AP4E1: variants seen among roughly 807,000 people sequenced by gnomAD.
AP4E1 encodes AP-4 complex subunit epsilon-1.
In AP4E1, 56 loss-of-function variants were observed where a neutral mutation model predicts 128.2. The observed-to-expected ratio is 0.44, with a 90% confidence interval of 0.35 to 0.55. The LOEUF is 0.55. Ranked by LOEUF, AP4E1 falls within the 20% of genes least tolerant of loss-of-function variation. The pLI is 0.00. For synonymous variants in AP4E1, 484 were observed against 473.1 expected (o/e 1.02, Z -0.30); for missense variants, 1,324 against 1,307.7 (o/e 1.01, Z -0.19).
intron 14 of AP4E1, among the ~76,000 whole-genome samples, chr15:50,964,744 T>C (rs2064363673): frequency 6.6e-6 from 1 of 152,192 alleles, no homozygotes; most frequent in African/African-American, 2.4e-5. Flanking sequence ...GTAATCATAA[T>C]CAGTGATGTC....
At chr15:50,949,960 G>A in intron 12 of AP4E1, 22 bp downstream of exon 12, 2 of 1,599,272 alleles carry the variant, frequency 1.3e-6, no homozygotes, top group Non-Finnish European at 1.7e-6. Flanking sequence ...ATTATATTCT[G>A]TAAAGTAAAC....
chr15:50,955,653 C>T (rs140345836), intron 13 of AP4E1, among the ~76,000 whole-genome samples: 3 of 152,318 alleles, frequency 2.0e-5, no homozygotes, highest in East Asian at 1.9e-4. Flanking sequence ...TCCACTGACA[C>T]ACTCCCATCA....
In AP4E1 at chr15:50,968,291, G is replaced by C. The variant is rs748711527; in HGVS notation, c.1880G>C (p.Gly627Ala). The C allele has an allele frequency of 6.2e-7, 1 of 1,613,392 alleles. No individual in the cohort carries two copies. The highest frequency in any genetic ancestry group is 8.5e-7 in the Non-Finnish European group (1 of 1,179,730). The change falls in exon 15 of 21, where the codon GGT (glycine) becomes GCT (alanine). Residue 627 changes from glycine (G) to alanine (A), a missense_variant. Gly to Ala is a moderately conservative substitution (Grantham distance 60). Transcript: ENST00000261842. ...VVDASLSFLD[G>A]FVAEGLSQGA... ...GATGCTTCTTTATCTTTTCTGGATG[G>C]TTTTGTGGCTGAAGGACTCAGTCAG...
chr15:50,990,539 C>G lies in AP4E1; in HGVS notation c.2091-2831C>G, dbSNP rs559390465. Among the ~76,000 whole-genome samples, 4 of 151,854 alleles carry G rather than the reference C, an allele frequency of 2.6e-5. No homozygotes were observed. In the South Asian group the frequency reaches 6.2e-4, roughly 24 times the overall value. Reference sequence around the variant, plus strand: ...AAGCCGGGATTACAGACGCCTGCCACCATGCCCTGCTAATTTTTATGTTTT... The same window carrying G: ...AAGCCGGGATTACAGACGCCTGCCAGCATGCCCTGCTAATTTTTATGTTTT... On this transcript the variant is annotated intron_variant, in intron 16 of 20. Coordinates refer to ENST00000261842, the MANE Select transcript of AP4E1 (RefSeq NM_007347.5).
intron 1 of AP4E1, among the ~76,000 whole-genome samples, chr15:50,911,796 A>G (rs1285981829): frequency 6.6e-6 from 1 of 152,170 alleles, no homozygotes; most frequent in Non-Finnish European, 1.5e-5. Context: ...TAGTTTTAAA[A>G]AAAAACATTT....
chr15:50,988,499 A>G lies in AP4E1; in HGVS notation c.2090+4354A>G, dbSNP rs75771394. ...CCGGCTAATTTTTTGTATTTTTAGTAGAGATGGGTTTCACCATGTTGGCCA... is the reference window on the plus strand; with the variant it reads ...CCGGCTAATTTTTTGTATTTTTAGTGGAGATGGGTTTCACCATGTTGGCCA... On this transcript the variant is annotated intron_variant, in intron 16 of 20. Coordinates refer to ENST00000261842, the MANE Select transcript of AP4E1 (RefSeq NM_007347.5). 9.2e-5 allele frequency among the ~76,000 whole-genome samples: 14 copies of G among 152,094 alleles called. No individual in the cohort carries two copies. The East Asian group carries it at 2.7e-3, about 29-fold the overall frequency.
rs971219820 is a variant in AP4E1, at chr15:50,945,652, G to A, written c.1177-2368G>A. Reference sequence around the variant, plus strand: ...AAAGCGAATGCAACATGTTATCTGTGTAAAATGCACTTCTGACAGCAAGTA... The same window carrying A: ...AAAGCGAATGCAACATGTTATCTGTATAAAATGCACTTCTGACAGCAAGTA... On this transcript the variant is annotated intron_variant, in intron 10 of 20. Transcript: ENST00000261842. The A allele has an allele frequency of 5.1e-6, 4 of 778,728 alleles. No homozygotes were observed. In the African/African-American group the frequency reaches 6.8e-5, roughly 13 times the overall value. 48.2% of individuals were successfully genotyped at this position (778,728 alleles called of 1,614,324 possible).
chr15:50,923,280 T>G (rs2063728793), intron 3 of AP4E1, among the ~76,000 whole-genome samples: 1 of 152,244 alleles, frequency 6.6e-6, no homozygotes, highest in African/African-American at 2.4e-5. Flanking sequence ...TTAATATATT[T>G]CCTCAATGTT....
rs2065001342 is a variant in AP4E1, at chr15:51,004,750, CAAT to C, written c.*2093_*2095del. 1 of 152,450 alleles carries C rather than the reference CAAT, an allele frequency of 6.6e-6. No homozygotes were observed. The highest frequency in any genetic ancestry group is 2.1e-4 in the South Asian group (1 of 4,820). 9.4% of individuals were successfully genotyped at this position (152,450 alleles called of 1,614,324 possible). On this transcript the variant is annotated 3_prime_UTR_variant, in exon 21 of 21. Transcript: ENST00000261842. ...ATATTTTTATGATTTTAAAAACAAA[CAAT>C]AATAGAAAAACAGATTTTAAGGAAC...
intron 3 of AP4E1, among the ~76,000 whole-genome samples, chr15:50,921,878 T>C (rs1215226347): frequency 6.6e-6 from 1 of 152,054 alleles, no homozygotes; most frequent in East Asian, 1.9e-4. Flanking sequence ...GTTGAAACAG[T>C]TGGGATATTA....
chr15:50,985,743 G>C (rs996162607), intron 16 of AP4E1, among the ~76,000 whole-genome samples: 1 of 152,186 alleles, frequency 6.6e-6, no homozygotes, highest in South Asian at 2.1e-4. Context: ...GTCAGGTAGA[G>C]TGATGCCTCC....
chr15:50,912,057 T>G, intron 1 of AP4E1, 21 bp from the exon 2 acceptor site: 1 of 1,598,510 alleles, frequency 6.3e-7, no homozygotes, highest in Non-Finnish European at 8.6e-7. Flanking sequence ...ATCAAGCATT[T>G]AAATATTTTC....
intron 15 of AP4E1, among the ~76,000 whole-genome samples, chr15:50,977,525 A>T (rs1003624274): frequency 1.3e-5 from 2 of 152,130 alleles, no homozygotes; most frequent in African/African-American, 4.8e-5. Context: ...CTGTTATAGA[A>T]AAGGAAATTG....
chr15:50,915,707 C>T (rs1225131015), intron 3 of AP4E1, 136 bp downstream of exon 3: 1 of 1,113,490 alleles, frequency 9.0e-7, no homozygotes, highest in Non-Finnish European at 1.3e-6. Context: ...TAAAAGATCA[C>T]ACTTCAGAAA....
chr15:50,950,067 A>G lies in AP4E1; in HGVS notation c.1446A>G (p.Thr482=). The G allele has an allele frequency of 1.2e-6, 2 of 1,612,880 alleles. No individual in the cohort carries two copies. Among genetic ancestry groups the G allele is most frequent in the Non-Finnish European group, 1.7e-6 (2 of 1,179,102 alleles). Residue 482 remains threonine, a synonymous_variant, in exon 13 of 21, where the codon ACA becomes ACG. Transcript: ENST00000261842. ...TCTTTGTAGGTTTTGATGATGAAAC[A>G]GAAGATCAGCAATTAAGACTCTATG... ...RLLAEGFDDE[T]EDQQLRLYAV...
intron 13 of AP4E1, among the ~76,000 whole-genome samples, chr15:50,952,811 T>C (rs1380136287): frequency 6.6e-6 from 1 of 152,196 alleles, no homozygotes; most frequent in Non-Finnish European, 1.5e-5. Flanking sequence ...TTTGTTCAGG[T>C]TAAACATTTT....
Position 50,958,412 on chromosome 15 carries a change from A to G in AP4E1, c.1549-80A>G, listed in dbSNP as rs924140190. On this transcript the variant is annotated intron_variant, in intron 13 of 20. Transcript: ENST00000261842. ...TCTACTTTAAATTCACTCTAGCAGT[A>G]GGTACTTTGTTTAGATTTTAGTATA... is the stretch of plus-strand genomic sequence containing the variant. The G allele has an allele frequency of 9.0e-5, 105 of 1,165,200 alleles. 3 individuals carry two copies. The South Asian group carries it at 1.4e-3, about 16-fold the overall frequency. The allele number at this position is 1,165,200 out of a possible 1,614,324, so 72.2% of individuals were successfully genotyped here.
chr15:50,975,956 CAG>C (rs35121200), intron 15 of AP4E1, among the ~76,000 whole-genome samples: 60,430 of 147,680 alleles, frequency 0.41, 12,328 homozygotes, highest in East Asian at 0.56. Flanking sequence ...ACAAAAGGGA[CAG>C]AGAGAGAGAG....
intron 14 of AP4E1, among the ~76,000 whole-genome samples, chr15:50,966,983 C>T (rs1244713967): frequency 6.6e-6 from 1 of 152,178 alleles, no homozygotes; most frequent in Non-Finnish European, 1.5e-5. Context: ...TTTCTGAGGT[C>T]ATCACTGCTC....
Sources: gnomAD v4.1 joint callset for allele counts (sites outside exome capture counted in the v4.1 genomes callset) on GRCh38, gnomAD v4.1.1 for gene constraint, MANE v1.5 for transcripts, NCBI Gene and HGNC (gene_info 2026-07-23, HGNC 2026-07-21) for gene names.